Variants in RSPO2 observed in about 807,000 individuals in gnomAD.
The protein encoded by RSPO2 is R-spondin 2.
RSPO2 carries 14 observed loss-of-function variants against 30.9 expected under a neutral mutation model. The observed-to-expected ratio is 0.45, with a 90% CI of 0.30 to 0.71. RSPO2 has a LOEUF of 0.71. Among genes scored for constraint, RSPO2 ranks in the 30% least tolerant of loss-of-function variants. The probability of loss-of-function intolerance (pLI) is 0.08; values close to 1 mark genes in which losing one functional copy is unlikely to be tolerated. For synonymous variants in RSPO2, 107 were observed against 96.4 expected (o/e 1.11, Z -0.64); for missense variants, 264 against 301.9 (o/e 0.87, Z 0.93).
chr8:107,940,707 T>C (rs1332381503), intron 5 of RSPO2, among the ~76,000 whole-genome samples: 1 of 152,148 alleles, frequency 6.6e-6, no homozygotes, highest in Non-Finnish European at 1.5e-5. Flanking sequence ...CCAAAGAACT[T>C]GGAAAGCTAA....
At chr8:107,927,090 T>A (rs1407552988) in intron 5 of RSPO2, among the ~76,000 whole-genome samples, 3 of 152,150 alleles carry the variant, frequency 2.0e-5, no homozygotes, top group Non-Finnish European at 4.4e-5. Context: ...GGTTTATAGT[T>A]CTCCTTGAAG....
chr8:107,958,169 AT>A lies in RSPO2; in HGVS notation c.526del (p.Ile176LeufsTer6), dbSNP rs1375622940. 6.2e-7 allele frequency: 1 copy of A among 1,613,650 alleles called. No homozygotes were observed. The highest frequency in any genetic ancestry group is 8.5e-7 in the Non-Finnish European group (1 of 1,179,824). ...TGTGTCTTTCACTGGCTTTTTAACA[AT>A]TTGCCGTGTTCTGGTTTCCAGACCC... is the stretch of plus-strand genomic sequence containing the variant. ...KWGLETRTRQIVKKPVKDTIL... is the reference protein window; with the variant it reads ...KWGLETRTRQXVKKPVKDTIL... On this transcript the variant is annotated frameshift_variant, in exon 5 of 6. Coordinates refer to ENST00000276659, the MANE Select transcript of RSPO2 (RefSeq NM_178565.5). LOFTEE classifies it high-confidence loss of function.
intron 2 of RSPO2, among the ~76,000 whole-genome samples, chr8:108,021,675 T>C (rs750114404): frequency 7.3e-5 from 11 of 151,376 alleles, no homozygotes; most frequent in Non-Finnish European, 1.5e-4. Flanking sequence ...TCATTGCCAA[T>C]GGGCTAAGAA....
intron 2 of RSPO2, among the ~76,000 whole-genome samples, chr8:108,059,294 A>G (rs936893450): frequency 6.6e-6 from 1 of 151,916 alleles, no homozygotes; most frequent in African/African-American, 2.4e-5. Flanking sequence ...AATCAAAACC[A>G]CAATGAGATA....
intron 5 of RSPO2, among the ~76,000 whole-genome samples, chr8:107,915,791 C>T (rs1811963770): frequency 6.6e-6 from 1 of 152,094 alleles, no homozygotes. Flanking sequence ...GTGTATTTTG[C>T]TAGGATGAAA....
chr8:107,932,421 G>A (rs1451490062), intron 5 of RSPO2, among the ~76,000 whole-genome samples: 3 of 152,140 alleles, frequency 2.0e-5, no homozygotes, highest in Non-Finnish European at 4.4e-5. Flanking sequence ...TTTGAGCAGA[G>A]AATTAGATGT....
At chr8:108,022,861 G>T (rs2130615203) in intron 2 of RSPO2, among the ~76,000 whole-genome samples, 1 of 150,816 alleles carries the variant, frequency 6.6e-6, no homozygotes, top group Non-Finnish European at 1.5e-5. Flanking sequence ...TGAGGCAGAG[G>T]TTGCTGTGAG....
intron 5 of RSPO2, among the ~76,000 whole-genome samples, chr8:107,956,502 A>G (rs1398684053): frequency 2.0e-5 from 3 of 152,232 alleles, no homozygotes; most frequent in Non-Finnish European, 4.4e-5. Flanking sequence ...TTGATAACAT[A>G]AAAATACAAA....
At chr8:108,059,396 T>G (rs1474581570) in intron 2 of RSPO2, among the ~76,000 whole-genome samples, 4 of 151,728 alleles carry the variant, frequency 2.6e-5, no homozygotes, top group Non-Finnish European at 5.9e-5. Flanking sequence ...AATTTTACAC[T>G]GTTGGTGGGA....
chr8:107,937,155 T>G (rs1299704147), intron 5 of RSPO2, among the ~76,000 whole-genome samples: 1,540 of 37,454 alleles, frequency 0.041, 15 homozygotes, highest in South Asian at 0.068. Flanking sequence ...TCTTCAGTTG[T>G]TTTTTTTTTT....
At chr8:107,976,739 A>C (rs1814227670) in intron 3 of RSPO2, among the ~76,000 whole-genome samples, 1 of 152,204 alleles carries the variant, frequency 6.6e-6, no homozygotes, top group Admixed American at 6.5e-5. Flanking sequence ...GCAAGAAGGG[A>C]GTCTGGCTGC....
intron 2 of RSPO2, among the ~76,000 whole-genome samples, chr8:108,059,385 C>A (rs1812371827): frequency 6.6e-6 from 1 of 151,588 alleles, no homozygotes; most frequent in Non-Finnish European, 1.5e-5. Flanking sequence ...GAAATAGGGA[C>A]AATTTTACAC....
chr8:108,062,759 G>A (rs1812513373), intron 2 of RSPO2, among the ~76,000 whole-genome samples: 1 of 151,786 alleles, frequency 6.6e-6, no homozygotes, highest in African/African-American at 2.4e-5. Context: ...TATCCCTAAT[G>A]AACATTGATG....
Position 107,958,108 on chromosome 8 carries a change from G to A in RSPO2, c.588C>T (p.Cys196=), listed in dbSNP as rs34627831. 2,772 of 1,613,338 alleles carry A rather than the reference G, an allele frequency of 1.7e-3. 15 individuals carry two copies. The highest frequency in any genetic ancestry group is 0.012 in the African/African-American group (891 of 74,962). The change falls in exon 5 of 6, where the codon TGC becomes TGT. Residue 196 remains cysteine (C), a synonymous_variant. Coordinates refer to ENST00000276659, the MANE Select transcript of RSPO2 (RefSeq NM_178565.5). ...CTGGACAATGCCTCATTGTCATCTT[G>A]CATCTCCTGGATTCAGCAATGGTTG... ...LCPTIAESRR[C]KMTMRHCPGG...
intron 5 of RSPO2, among the ~76,000 whole-genome samples, chr8:107,952,941 T>G (rs1813303864): frequency 6.6e-6 from 1 of 152,192 alleles, no homozygotes; most frequent in African/African-American, 2.4e-5. Context: ...ATTAAAATAG[T>G]ATACAGTAGC....
At chr8:108,059,529 G>A (rs978240209) in intron 2 of RSPO2, among the ~76,000 whole-genome samples, 4 of 151,102 alleles carry the variant, frequency 2.6e-5, no homozygotes, top group South Asian at 2.1e-4. Context: ...TATAAATCAC[G>A]CTGCTATAAA....
chr8:107,945,241 C>CTTT (rs754722790), intron 5 of RSPO2, among the ~76,000 whole-genome samples: 3,854 of 74,866 alleles, frequency 0.051, 253 homozygotes, highest in South Asian at 0.075. Flanking sequence ...ATTCTTTTAC[C>CTTT]TTTTTTTTTT....
At chr8:107,971,145 G>T (rs2130470724) in intron 3 of RSPO2, among the ~76,000 whole-genome samples, 1 of 152,252 alleles carries the variant, frequency 6.6e-6, no homozygotes, top group Admixed American at 6.5e-5. Context: ...CTTCTGCCCT[G>T]GAAATATAAT....
chr8:107,973,374 T>C (rs1007790591), intron 3 of RSPO2, among the ~76,000 whole-genome samples: 4 of 152,102 alleles, frequency 2.6e-5, no homozygotes, highest in Non-Finnish European at 4.4e-5. Flanking sequence ...TATTACATGG[T>C]TTAAGGTACA....
Sources: allele counts gnomAD v4.1 joint callset (sites outside exome capture counted in the v4.1 genomes callset), GRCh38; gene constraint gnomAD v4.1.1; transcripts MANE v1.5; gene names NCBI Gene and HGNC (gene_info 2026-07-23, HGNC 2026-07-21).